The following DLGAP2 variants were observed in gnomAD, a reference collection of about 807,000 sequenced individuals.
DLGAP2 encodes DLG associated protein 2.
In DLGAP2, 26 loss-of-function variants were observed where a neutral mutation model predicts 100.3. The ratio of observed to expected loss-of-function variants is 0.26; its 90% confidence interval spans 0.19 to 0.36. The LOEUF (loss-of-function observed/expected upper bound fraction) is 0.36. Among genes scored for constraint, DLGAP2 ranks in the 10% least tolerant of loss-of-function variants. The pLI is 1.00. For missense variants in DLGAP2, 1,858 were observed against 1,453.2 expected (o/e 1.28, Z -4.53); for synonymous variants, 886 against 630.1 (o/e 1.41, Z -6.08).
intron 6 of DLGAP2, among the ~76,000 whole-genome samples, chr8:1,586,729 G>A (rs184953673): frequency 6.9e-4 from 105 of 152,352 alleles, no homozygotes; most frequent in Admixed American, 1.4e-3. Flanking sequence ...ACACACTGCT[G>A]CGTGACTTTA....
At chr8:1,472,580 G>T (rs530732438) in intron 3 of DLGAP2, among the ~76,000 whole-genome samples, 21 of 152,272 alleles carry the variant, frequency 1.4e-4, no homozygotes, top group Admixed American at 5.2e-4. Context: ...GCTGAGGTCA[G>T]ATTGAGGAGG....
chr8:1,701,543 AGCGGGACGCGGCCGGCG>A lies in DLGAP2; in HGVS notation c.*140_*156del. 1 of 959,128 alleles carries A rather than the reference AGCGGGACGCGGCCGGCG, an allele frequency of 1.0e-6. No individual in the cohort carries two copies. 59.4% of individuals were successfully genotyped at this position (959,128 alleles called of 1,614,324 possible). On this transcript the variant is annotated 3_prime_UTR_variant, in exon 15 of 15. Coordinates refer to ENST00000637795, the MANE Select transcript of DLGAP2 (RefSeq NM_001346810.2). ...CCCGCGCTCCCCGCGCCCCGGACAC[AGCGGGACGCGGCCGGCG>A]GCCTCAGAGTCCACGGAGCTCGCGG...
At chr8:1,084,488 C>T (rs936560947) in intron 2 of DLGAP2, among the ~76,000 whole-genome samples, 1 of 152,114 alleles carries the variant, frequency 6.6e-6, no homozygotes, top group Admixed American at 6.5e-5. Flanking sequence ...ACAGACTTGC[C>T]CTCCTGTCCG....
chr8:1,688,681 T>G (rs1799175361), intron 12 of DLGAP2, among the ~76,000 whole-genome samples: 1 of 152,224 alleles, frequency 6.6e-6, no homozygotes, highest in South Asian at 2.1e-4. Flanking sequence ...AAAACAATCT[T>G]CATTTTAGAA....
chr8:1,195,230 G>A (rs1797726107), intron 2 of DLGAP2, among the ~76,000 whole-genome samples: 1 of 152,202 alleles, frequency 6.6e-6, no homozygotes, highest in Non-Finnish European at 1.5e-5. Context: ...GGCTGCTGGT[G>A]TCCAGGACAG....
intron 1 of DLGAP2, among the ~76,000 whole-genome samples, chr8:810,132 T>C (rs1309838536): frequency 6.6e-6 from 1 of 152,210 alleles, no homozygotes; most frequent in Non-Finnish European, 1.5e-5. Flanking sequence ...AAGTGCCATC[T>C]CCTCCTCACC....
chr8:870,853 G>A (rs1036707433), intron 1 of DLGAP2, among the ~76,000 whole-genome samples: 2 of 152,098 alleles, frequency 1.3e-5, no homozygotes, highest in Non-Finnish European at 2.9e-5. Flanking sequence ...TTCCCTCACC[G>A]CTGATAAGGA....
chr8:1,600,741 C>T (rs1796598645), intron 6 of DLGAP2, among the ~76,000 whole-genome samples: 1 of 152,152 alleles, frequency 6.6e-6, no homozygotes, highest in Non-Finnish European at 1.5e-5. Context: ...TTATGTTCTT[C>T]TCTAAACTGG....
chr8:1,224,739 A>C (rs1798380892), intron 2 of DLGAP2, among the ~76,000 whole-genome samples: 1 of 152,246 alleles, frequency 6.6e-6, no homozygotes, highest in Non-Finnish European at 1.5e-5. Flanking sequence ...GTTAAAATTC[A>C]ACAACACAAA....
intron 8 of DLGAP2, 145 bp from the exon 9 acceptor site, chr8:1,668,184 C>G (rs932237312): frequency 6.9e-5 from 46 of 668,868 alleles, no homozygotes; most frequent in Non-Finnish European, 1.0e-4. Flanking sequence ...TCTCACTGTC[C>G]CCTCATTTCA....
chr8:1,635,062 ATACT>A (rs1797735832), intron 8 of DLGAP2, among the ~76,000 whole-genome samples: 2 of 152,236 alleles, frequency 1.3e-5, no homozygotes. Context: ...ACTAGGGGAA[ATACT>A]TAGCACTGTA....
intron 1 of DLGAP2, among the ~76,000 whole-genome samples, chr8:865,864 C>G (rs946645449): frequency 1.3e-5 from 2 of 152,200 alleles, no homozygotes; most frequent in African/African-American, 4.8e-5. Flanking sequence ...TGGTCTGCGG[C>G]TCACAGCAGG....
intron 3 of DLGAP2, among the ~76,000 whole-genome samples, chr8:1,346,883 C>T (rs1365213665): frequency 6.6e-6 from 1 of 151,474 alleles, no homozygotes; most frequent in African/African-American, 2.4e-5. Flanking sequence ...TACAGAGCTG[C>T]GTTGCACTCA....
chr8:1,584,231 C>G (rs1308239702), intron 6 of DLGAP2, among the ~76,000 whole-genome samples: 1 of 152,130 alleles, frequency 6.6e-6, no homozygotes, highest in Non-Finnish European at 1.5e-5. Context: ...AATAAATGAA[C>G]TGCTATTAGC....
At chr8:1,478,184 C>T (rs144811996) in intron 3 of DLGAP2, among the ~76,000 whole-genome samples, 1 of 152,106 alleles carries the variant, frequency 6.6e-6, no homozygotes, top group Non-Finnish European at 1.5e-5. Context: ...TTCATCTTAC[C>T]CATGAGCCTG....
At chr8:1,432,541 G>T (rs1211625948) in intron 3 of DLGAP2, among the ~76,000 whole-genome samples, 1 of 152,230 alleles carries the variant, frequency 6.6e-6, no homozygotes. Context: ...AAAGAGATGG[G>T]CGAGGGAGTC....
chr8:1,357,396 C>G (rs1801880919), intron 3 of DLGAP2, among the ~76,000 whole-genome samples: 1 of 121,156 alleles, frequency 8.3e-6, no homozygotes, highest in Non-Finnish European at 1.7e-5. Flanking sequence ...CTGTTGGTGC[C>G]AAATCTTTTT....
chr8:959,075 T>G (rs923720973), intron 2 of DLGAP2, among the ~76,000 whole-genome samples: 2 of 152,216 alleles, frequency 1.3e-5, no homozygotes, highest in African/African-American at 2.4e-5. Flanking sequence ...ATTATGGCTA[T>G]GTAGAGGGTG....
chr8:853,640 C>T (rs558485346), intron 1 of DLGAP2, among the ~76,000 whole-genome samples: 4 of 152,366 alleles, frequency 2.6e-5, no homozygotes, highest in South Asian at 4.1e-4. Flanking sequence ...GCCTCGCAAG[C>T]AGCCGTTCTA....
Sources: gnomAD v4.1 joint callset for allele counts (sites outside exome capture counted in the v4.1 genomes callset) on GRCh38, gnomAD v4.1.1 for gene constraint, MANE v1.5 for transcripts, NCBI Gene and HGNC (gene_info 2026-07-23, HGNC 2026-07-21) for gene names.